The following NRG3 variants were observed in gnomAD, a reference collection of about 807,000 sequenced individuals.
NRG3 encodes the protein neuregulin 3.
NRG3 carries 31 observed loss-of-function variants against 66.9 expected under a neutral mutation model. The ratio of observed to expected loss-of-function variants is 0.46; its 90% CI spans 0.35 to 0.63. The LOEUF is 0.63. Ranked by LOEUF, NRG3 falls within the 20% of genes least tolerant of loss-of-function variation. NRG3 has a pLI of 0.00. For synonymous variants in NRG3, 393 were observed against 359.4 expected (o/e 1.09, Z -1.06); for missense variants, 910 against 878.9 (o/e 1.04, Z -0.45).
At chr10:81,947,367 C>A (rs968781225) in intron 1 of NRG3, among the ~76,000 whole-genome samples, 4 of 152,134 alleles carry the variant, frequency 2.6e-5, no homozygotes, top group African/African-American at 9.7e-5. Flanking sequence ...AGGGTCAAGA[C>A]TTCAACTTAT....
At chr10:82,713,758 A>G (rs147401287) in intron 2 of NRG3, among the ~76,000 whole-genome samples, 185 of 152,352 alleles carry the variant, frequency 1.2e-3, no homozygotes, top group African/African-American at 4.1e-3. Flanking sequence ...GATATCGTCT[A>G]ATGTTAAACC....
intron 1 of NRG3, among the ~76,000 whole-genome samples, chr10:81,938,606 A>C (rs1196381930): frequency 7.1e-6 from 1 of 140,088 alleles, no homozygotes; most frequent in Non-Finnish European, 1.5e-5. Flanking sequence ...GAATTCGTTT[A>C]TGAGTTCTGA....
chr10:82,852,950 C>T (rs1332402194), intron 3 of NRG3, among the ~76,000 whole-genome samples: 1 of 152,142 alleles, frequency 6.6e-6, no homozygotes, highest in East Asian at 1.9e-4. Flanking sequence ...TCAACCCTTC[C>T]TGATTTTTTT....
intron 2 of NRG3, among the ~76,000 whole-genome samples, chr10:82,486,806 G>A (rs1367891286): frequency 6.6e-6 from 1 of 152,108 alleles, no homozygotes; most frequent in Non-Finnish European, 1.5e-5. Context: ...ATTATGTTAA[G>A]TGAAATAAGC....
At chr10:82,266,612 A>T (rs2078313939) in intron 1 of NRG3, among the ~76,000 whole-genome samples, 1 of 152,162 alleles carries the variant, frequency 6.6e-6, no homozygotes, top group African/African-American at 2.4e-5. Context: ...ACTTGGGAGA[A>T]TCCAGGATGT....
intron 1 of NRG3, among the ~76,000 whole-genome samples, chr10:81,927,100 A>G (rs1321109426): frequency 6.6e-6 from 1 of 152,180 alleles, no homozygotes; most frequent in African/African-American, 2.4e-5. Flanking sequence ...AAATTACTAG[A>G]GAATTTTTGG....
intron 1 of NRG3, among the ~76,000 whole-genome samples, chr10:82,343,677 G>A (rs1239451821): frequency 1.3e-5 from 2 of 152,208 alleles, no homozygotes; most frequent in South Asian, 2.1e-4. Flanking sequence ...GAGTAGACCT[G>A]ATGTACAGCA....
At chr10:82,303,808 A>C (rs925479414) in intron 1 of NRG3, among the ~76,000 whole-genome samples, 2 of 152,152 alleles carry the variant, frequency 1.3e-5, no homozygotes, top group Non-Finnish European at 2.9e-5. Context: ...CAGAGGTTGC[A>C]GTGAGCCAAG....
chr10:82,472,380 A>G (rs540912069), intron 2 of NRG3, among the ~76,000 whole-genome samples: 3 of 152,368 alleles, frequency 2.0e-5, no homozygotes, highest in Admixed American at 2.0e-4. Flanking sequence ...CTTCACAGGT[A>G]TATAAGTGAC....
At chr10:82,511,756 G>A (rs1394883108) in intron 2 of NRG3, among the ~76,000 whole-genome samples, 1 of 152,098 alleles carries the variant, frequency 6.6e-6, no homozygotes, top group Non-Finnish European at 1.5e-5. Context: ...GTTCTGCCCT[G>A]TAGTGAACAA....
At chr10:82,464,553 C>T (rs569127343) in intron 2 of NRG3, among the ~76,000 whole-genome samples, 4 of 152,242 alleles carry the variant, frequency 2.6e-5, no homozygotes, top group East Asian at 1.9e-4. Flanking sequence ...TCAAAGTGCC[C>T]GGCCCTGGGG....
chr10:82,564,647 C>G (rs1028359980), intron 2 of NRG3, among the ~76,000 whole-genome samples: 10 of 152,080 alleles, frequency 6.6e-5, no homozygotes, highest in African/African-American at 1.2e-4. Flanking sequence ...TATCTTGTTG[C>G]TCTTAAGATT....
At chr10:82,679,793 G>A (rs1164483806) in intron 2 of NRG3, among the ~76,000 whole-genome samples, 1 of 151,996 alleles carries the variant, frequency 6.6e-6, no homozygotes, top group African/African-American at 2.4e-5. Flanking sequence ...AGGCTACAGG[G>A]ACAGGAAGGT....
At chr10:82,283,283 G>A (rs2079224060) in intron 1 of NRG3, among the ~76,000 whole-genome samples, 1 of 152,126 alleles carries the variant, frequency 6.6e-6, no homozygotes, top group Non-Finnish European at 1.5e-5. Context: ...ATGCCATGTA[G>A]GAGTACATCC....
At chr10:81,935,876 AACACACAC>A (rs55670416) in intron 1 of NRG3, among the ~76,000 whole-genome samples, 3,242 of 132,482 alleles carry the variant, frequency 0.024, 93 homozygotes, top group East Asian at 0.15. Context: ...TCAGTGCCTG[AACACACAC>A]ACACACACAC....
chr10:82,566,580 C>T (rs1487795735), intron 2 of NRG3, among the ~76,000 whole-genome samples: 1 of 151,506 alleles, frequency 6.6e-6, no homozygotes, highest in Non-Finnish European at 1.5e-5. Context: ...AATAAATTAC[C>T]CATTGGGACA....
chr10:82,187,325 C>T (rs1017154147), intron 1 of NRG3, among the ~76,000 whole-genome samples: 1 of 152,044 alleles, frequency 6.6e-6, no homozygotes, highest in Non-Finnish European at 1.5e-5. Flanking sequence ...TAATTCGCTT[C>T]TTATATGCCA....
intron 4 of NRG3, among the ~76,000 whole-genome samples, chr10:82,892,428 C>A (rs1420582824): frequency 6.6e-6 from 1 of 152,070 alleles, no homozygotes; most frequent in African/African-American, 2.4e-5. Context: ...CTTTGGGAGA[C>A]CAAGGTGGGA....
chr10:82,723,305 G>A (rs1429239314), intron 2 of NRG3, among the ~76,000 whole-genome samples: 2 of 152,128 alleles, frequency 1.3e-5, no homozygotes, highest in Non-Finnish European at 2.9e-5. Flanking sequence ...AGACACTGGG[G>A]ACTACTGGAG....
Sources: allele counts gnomAD v4.1 joint callset (sites outside exome capture counted in the v4.1 genomes callset), GRCh38; gene constraint gnomAD v4.1.1; transcripts MANE v1.5; gene names NCBI Gene and HGNC (gene_info 2026-07-23, HGNC 2026-07-21).